The following PSMA3 variants were observed in gnomAD, a reference collection of about 807,000 sequenced individuals.
The protein encoded by PSMA3 is proteasome 20S subunit alpha 3.
Under a neutral mutation model 40.0 loss-of-function variants are expected in PSMA3, and 8 were observed. That is an observed-to-expected ratio of 0.20 (90% CI 0.12 to 0.36). The LOEUF (loss-of-function observed/expected upper bound fraction) is 0.36. Among genes scored for constraint, PSMA3 ranks in the 10% least tolerant of loss-of-function variants. The pLI is 1.00. For synonymous variants in PSMA3, 110 were observed against 100.0 expected, an observed-to-expected ratio of 1.10 and a Z score of -0.59; for missense variants, 219 against 310.6, an observed-to-expected ratio of 0.70 and a Z score of 2.22.
chr14:58,254,550 G>A (rs1566639344), intron 3 of PSMA3, among the ~76,000 whole-genome samples: 2 of 150,938 alleles, frequency 1.3e-5, no homozygotes, highest in African/African-American at 4.9e-5. Context: ...TGCTCAGGCT[G>A]GTCTTGAACT....
At chr14:58,268,569 TA>T (rs1037021678) in intron 8 of PSMA3, 17 of 152,092 alleles carry the variant, frequency 1.1e-4, no homozygotes, top group African/African-American at 4.1e-4. Context: ...ATGGCAACAC[TA>T]GGAACCAACA....
chr14:58,264,070 A>C (rs1023468954), intron 7 of PSMA3, among the ~76,000 whole-genome samples: 3 of 152,226 alleles, frequency 2.0e-5, no homozygotes, highest in African/African-American at 7.2e-5. Flanking sequence ...TGAATGGGAA[A>C]GCTGGTAACA....
chr14:58,267,679 A>G, intron 8 of PSMA3, 159 bp downstream of exon 8: 1 of 1,223,994 alleles, frequency 8.2e-7, no homozygotes, highest in Non-Finnish European at 1.0e-6. Context: ...CGAAGGAAGA[A>G]AATGTTTTTA....
At chr14:58,263,513 T>C (rs1890342096) in intron 6 of PSMA3, 192 bp from the exon 7 acceptor site, 1 of 442,320 alleles carries the variant, frequency 2.3e-6, no homozygotes, top group African/African-American at 2.0e-5. Context: ...TACAGGTTGT[T>C]TTGGAATTGT....
At chr14:58,270,169 G>A (rs1890572874) in intron 8 of PSMA3, 2 of 432,258 alleles carry the variant, frequency 4.6e-6, no homozygotes, top group Non-Finnish European at 3.9e-6. Context: ...AAAGCAATGT[G>A]CAAAAATAAA....
At chr14:58,254,703 A>G (rs892562328) in intron 3 of PSMA3, among the ~76,000 whole-genome samples, 3 of 152,076 alleles carry the variant, frequency 2.0e-5, no homozygotes, top group Admixed American at 6.6e-5. Context: ...CACAGTTGTC[A>G]TCTTCAAGTG....
chr14:58,244,882 G>A lies in PSMA3; in HGVS notation c.-39G>A. The A allele has an allele frequency of 1.9e-6, 3 of 1,614,142 alleles. No individual in the cohort carries two copies. Among genetic ancestry groups the A allele is most frequent in the East Asian group, 2.2e-5 (1 of 44,864 alleles). ...TCCTGTGGTATAGGGGAAGCGCTCC[G>A]GGCCTGGAATCCCTACGCGTCCCTT... On this transcript the variant is annotated 5_prime_UTR_variant, in exon 1 of 11. Transcript: ENST00000216455.
intron 3 of PSMA3, among the ~76,000 whole-genome samples, chr14:58,256,437 T>C (rs546906179): frequency 1.8e-4 from 27 of 147,028 alleles, no homozygotes; most frequent in African/African-American, 6.4e-4. Context: ...TTTTTTGAGA[T>C]GGAGTCTCGC....
chr14:58,268,176 CAA>C (rs915599014), intron 8 of PSMA3: 8 of 152,106 alleles, frequency 5.3e-5, no homozygotes, highest in South Asian at 2.1e-4. Flanking sequence ...TTCTCTAGAT[CAA>C]AGAGTGTAGA....
intron 7 of PSMA3, chr14:58,266,369 C>A (rs1340367373): frequency 6.6e-6 from 1 of 152,182 alleles, no homozygotes. Flanking sequence ...TTATCTTTCA[C>A]TATATTCCAT....
At chr14:58,263,682 T>C in intron 6 of PSMA3, 23 bp from the exon 7 acceptor site, 1 of 1,580,442 alleles carries the variant, frequency 6.3e-7, no homozygotes, top group Non-Finnish European at 8.7e-7. Context: ...ATTCAGTGAT[T>C]ATATATATTT....
intron 3 of PSMA3, among the ~76,000 whole-genome samples, chr14:58,256,500 C>A (rs947992275): frequency 6.6e-6 from 1 of 150,390 alleles, no homozygotes; most frequent in Non-Finnish European, 1.5e-5. Context: ...CTGCAACTTC[C>A]GCCTCCCAGG....
chr14:58,259,671 C>G (rs926203186), intron 5 of PSMA3, among the ~76,000 whole-genome samples: 6 of 152,068 alleles, frequency 3.9e-5, no homozygotes, highest in Non-Finnish European at 8.8e-5. Context: ...TGTGGAGACA[C>G]AGGTGTGAAG....
At chr14:58,247,686 G>A in intron 1 of PSMA3, 64 bp from the exon 2 acceptor site, 1 of 1,101,012 alleles carries the variant, frequency 9.1e-7, no homozygotes, top group Admixed American at 2.2e-5. Flanking sequence ...CATTTAGAGG[G>A]GAAGAAACTG....
At chr14:58,256,623 A>G (rs916380130) in intron 3 of PSMA3, among the ~76,000 whole-genome samples, 5 of 150,666 alleles carry the variant, frequency 3.3e-5, no homozygotes, top group Non-Finnish European at 5.9e-5. Context: ...CATCTTGGCC[A>G]GGCTGGTCTT....
At chr14:58,259,786 T>G (rs1193146139) in intron 5 of PSMA3, among the ~76,000 whole-genome samples, 2 of 152,166 alleles carry the variant, frequency 1.3e-5, no homozygotes, top group African/African-American at 4.8e-5. Flanking sequence ...GGAGACTTGG[T>G]AGTTGCAAGC....
In PSMA3 at chr14:58,271,031, G is replaced by A. The variant is rs765981584; in HGVS notation, c.723+33G>A. On this transcript the variant is annotated intron_variant, in intron 10 of 10. Coordinates refer to ENST00000216455, the MANE Select transcript of PSMA3 (RefSeq NM_002788.4). ...ACAGCACAAAAACTTCTCTTGGCCA[G>A]GTACAGTCAGGGAATCACTTAGCCC... 3.3e-6 allele frequency: 5 copies of A among 1,516,162 alleles called. No individual in the cohort carries two copies. The South Asian group carries it at 4.7e-5, about 14-fold the overall frequency. The allele number at this position is 1,516,162 out of a possible 1,614,324, so 93.9% of individuals were successfully genotyped here.
At chr14:58,253,496 G>A (rs1289105906) in intron 3 of PSMA3, among the ~76,000 whole-genome samples, 1 of 152,180 alleles carries the variant, frequency 6.6e-6, no homozygotes, top group Non-Finnish European at 1.5e-5. Flanking sequence ...AGTATAACCA[G>A]TAAACCATAA....
chr14:58,266,338 A>G (rs572206316), intron 7 of PSMA3: 1 of 152,344 alleles, frequency 6.6e-6, no homozygotes, highest in East Asian at 1.9e-4. Context: ...CCTTAAGTCT[A>G]GACTGCTGTA....
Sources: gnomAD v4.1 joint callset for allele counts (sites outside exome capture counted in the v4.1 genomes callset) on GRCh38, gnomAD v4.1.1 for gene constraint, MANE v1.5 for transcripts, NCBI Gene and HGNC (gene_info 2026-07-23, HGNC 2026-07-21) for gene names.